Variants in ZNF567 observed in about 807,000 individuals in gnomAD.
ZNF567 encodes zinc finger protein 567.
ZNF567 carries 36 observed loss-of-function variants against 53.9 expected under a neutral mutation model. The observed-to-expected ratio is 0.67, with a 90% CI of 0.51 to 0.88. ZNF567 has a LOEUF of 0.88. ZNF567 is among the 40% of genes least tolerant of loss of function. The pLI is 0.00. For missense variants in ZNF567, 619 were observed against 764.7 expected, an observed-to-expected ratio of 0.81 and a Z score of 2.25; for synonymous variants, 224 against 260.4, an observed-to-expected ratio of 0.86 and a Z score of 1.35.
chr19:36,667,580 G>T, the ZNF567 span, among the ~76,000 whole-genome samples: 1 of 129,410 alleles, frequency 7.7e-6, no homozygotes, highest in Non-Finnish European at 1.6e-5. Context: ...TTGCCCTGTT[G>T]CCCGGGCAAG....
chr19:36,682,603 TA>T, the ZNF567 span, among the ~76,000 whole-genome samples: 2 of 147,974 alleles, frequency 1.4e-5, no homozygotes, highest in Admixed American at 6.8e-5. Flanking sequence ...TTATTATTAT[TA>T]TTATTATTAT....
chr19:36,698,204 G>A (rs1040998691), intron 3 of ZNF567, among the ~76,000 whole-genome samples: 2 of 151,892 alleles, frequency 1.3e-5, no homozygotes, highest in African/African-American at 4.8e-5. Context: ...GATAGTTTAC[G>A]GAGAATGATG....
At chr19:36,723,255 G>A, downstream of ZNF567, 1 of 702,846 alleles carries the variant, frequency 1.4e-6, no homozygotes, top group South Asian at 1.5e-5. Flanking sequence ...GGGAACATGT[G>A]AGTCACATTC....
At chr19:36,703,892 C>A (rs1180066324) in intron 3 of ZNF567, among the ~76,000 whole-genome samples, 1 of 152,200 alleles carries the variant, frequency 6.6e-6, no homozygotes, top group Non-Finnish European at 1.5e-5. Flanking sequence ...CCGAGTGAGG[C>A]AATGCCTCGC....
At chr19:36,667,702 T>G in the ZNF567 span, among the ~76,000 whole-genome samples, 1 of 146,514 alleles carries the variant, frequency 6.8e-6, no homozygotes. Flanking sequence ...CAGGCTGGAG[T>G]GCAGTGGCGC....
chr19:36,696,458 T>G (rs2038893733), intron 3 of ZNF567, among the ~76,000 whole-genome samples: 1 of 152,218 alleles, frequency 6.6e-6, no homozygotes. Flanking sequence ...GTTCCGCAGA[T>G]CCTTCATGCA....
chr19:36,682,283 CAAAA>C, the ZNF567 span, among the ~76,000 whole-genome samples: 2 of 96,584 alleles, frequency 2.1e-5, no homozygotes, highest in Non-Finnish European at 4.2e-5. Context: ...GACCCTGTCT[CAAAA>C]AAAAAAAAAA....
At position 36,719,573 on chromosome 19, in the gene ZNF567, TCATCAATGTGGAAATG is replaced by T; in HGVS notation, c.853_868del (p.Gln285LeufsTer59). 6.2e-7 allele frequency: 1 copy of T among 1,614,168 alleles called. No individual in the cohort carries two copies. Among genetic ancestry groups the T allele is most frequent in the Non-Finnish European group, 8.5e-7 (1 of 1,180,038 alleles). Reference sequence around the variant, plus strand: ...ACTCAGAAGAAAAACCCTATCAATGTCATCAATGTGGAAATGCATTTAGAAGGAAATCATATCTCAT... The same window carrying T: ...ACTCAGAAGAAAAACCCTATCAATGTCATTTAGAAGGAAATCATATCTCAT... On this transcript the variant is annotated frameshift_variant, in exon 6 of 6. Transcript: ENST00000682579. LOFTEE classifies it high-confidence loss of function.
intron 3 of ZNF567, 39 bp from the exon 4 acceptor site, chr19:36,712,347 T>C (rs1830031): frequency 0.63 from 1,001,692 of 1,592,368 alleles, 317,665 homozygotes; most frequent in East Asian, 0.82. Flanking sequence ...TGTACCTGGC[T>C]AAGTCCACCT....
At chr19:36,685,532 A>C (rs2038248688), upstream of ZNF567, 1 of 152,214 alleles carries the variant, frequency 6.6e-6, no homozygotes, top group African/African-American at 2.4e-5. Context: ...AGGAAAAGGA[A>C]TTGCAAAGGG....
the ZNF567 span, among the ~76,000 whole-genome samples, chr19:36,671,172 T>C: frequency 6.6e-6 from 1 of 152,142 alleles, no homozygotes; most frequent in Non-Finnish European, 1.5e-5. Flanking sequence ...TTACACTGAT[T>C]CAACCTAGTG....
downstream of ZNF567, among the ~76,000 whole-genome samples, chr19:36,724,644 T>C (rs2040328071): frequency 6.9e-6 from 1 of 144,158 alleles, no homozygotes; most frequent in Non-Finnish European, 1.5e-5. Context: ...ATCACGCCAC[T>C]GCACTCCAGC....
chr19:36,724,004 CTTTTT>C (rs536627641), downstream of ZNF567, among the ~76,000 whole-genome samples: 1 of 98,384 alleles, frequency 1.0e-5, no homozygotes, highest in African/African-American at 4.1e-5. Context: ...TTCTGTATTT[CTTTTT>C]TTTTTTTTTT....
At chr19:36,714,196 C>T (rs1248288947) in intron 5 of ZNF567, among the ~76,000 whole-genome samples, 2 of 152,078 alleles carry the variant, frequency 1.3e-5, no homozygotes, top group Non-Finnish European at 2.9e-5. Flanking sequence ...GAGTCTTACT[C>T]TGTAGCCCAG....
upstream of ZNF567, among the ~76,000 whole-genome samples, chr19:36,683,744 A>G (rs533210211): frequency 1.1e-4 from 17 of 152,252 alleles, no homozygotes; most frequent in African/African-American, 4.1e-4. Context: ...AGGTGGGGGA[A>G]TTGCTGGAAC....
At chr19:36,725,536 G>A (rs147735617), downstream of ZNF567, among the ~76,000 whole-genome samples, 2 of 152,270 alleles carry the variant, frequency 1.3e-5, no homozygotes, top group African/African-American at 2.4e-5. Context: ...GGTACAATGT[G>A]TTACGGTGTT....
Position 36,719,534 on chromosome 19 carries a change from G to A in ZNF567, c.810G>A (p.Leu270=). 14 of 1,613,728 alleles carry A rather than the reference G, an allele frequency of 8.7e-6. No homozygotes were observed. Among genetic ancestry groups the A allele is most frequent in the Non-Finnish European group, 1.1e-5 (13 of 1,179,910 alleles). The change falls in exon 6 of 6, where the codon CTG becomes CTA. Residue 270 remains leucine (L), a synonymous_variant. Transcript: ENST00000682579. ...KSFCRKSVLI[L]HQGIHSEEKP... ...TCTGCAGGAAATCAGTATTGATTCT[G>A]CATCAGGGAATTCACTCAGAAGAAA...
downstream of ZNF567, among the ~76,000 whole-genome samples, chr19:36,726,400 C>A (rs959697375): frequency 2.0e-5 from 3 of 152,126 alleles, no homozygotes; most frequent in Admixed American, 1.3e-4. Flanking sequence ...CTTTTTGATA[C>A]CACCCTGGCA....
chr19:36,726,750 A>T (rs1018336680), downstream of ZNF567, among the ~76,000 whole-genome samples: 3 of 152,124 alleles, frequency 2.0e-5, no homozygotes, highest in Non-Finnish European at 4.4e-5. Flanking sequence ...ACTGCTGCAT[A>T]TGGGAATGGA....
Sources: gnomAD v4.1 joint callset for allele counts (sites outside exome capture counted in the v4.1 genomes callset) on GRCh38, gnomAD v4.1.1 for gene constraint, MANE v1.5 for transcripts, NCBI Gene and HGNC (gene_info 2026-07-23, HGNC 2026-07-21) for gene names.